The following ABHD12B variants were observed in gnomAD, a reference collection of about 807,000 sequenced individuals.
ABHD12B encodes protein ABHD12B.
ABHD12B carries 42 observed loss-of-function variants against 50.4 expected under a neutral mutation model. That is an observed-to-expected ratio of 0.83 (90% CI 0.65 to 1.08). The LOEUF is 1.08. Among genes scored for constraint, ABHD12B ranks in the 50% least tolerant of loss-of-function variants. The pLI, the probability that ABHD12B is intolerant of heterozygous loss-of-function variation, is 0.00. For synonymous variants in ABHD12B, 167 were observed against 160.3 expected (o/e 1.04, Z -0.32); for missense variants, 479 against 447.7 (o/e 1.07, Z -0.63).
chr14:50,878,028 A>G lies in ABHD12B; in HGVS notation c.181A>G (p.Lys61Glu). Reference protein sequence around the residue: ...LYDSFTSKSLKEHVFLPLIDM... With the variant: ...LYDSFTSKSLEEHVFLPLIDM... ...TGACAGCTTTACTAGTAAATCCTTA[A>G]AAGAACACGTTTTCCTTCCTCTGAT... Residue 61 changes from lysine to glutamate, a missense_variant, in exon 2 of 13, where the codon AAA becomes GAA. Transcript: ENST00000337334. The G allele has an allele frequency of 2.0e-6, 3 of 1,535,276 alleles. No homozygotes were observed. Among genetic ancestry groups the G allele is most frequent in the Non-Finnish European group, 2.6e-6 (3 of 1,146,534 alleles).
At position 50,904,189 on chromosome 14, in the gene ABHD12B, T is replaced by C; in HGVS notation, c.1058T>C (p.Val353Ala). Residue 353 changes from valine (V) to alanine (A), a missense_variant, in exon 12 of 13, where the codon GTG becomes GCG. Coordinates refer to ENST00000337334, the MANE Select transcript of ABHD12B (RefSeq NM_001206673.2). ...LCKSPTLLITVRDFLSKQWS is the reference protein window; with the variant it reads ...LCKSPTLLITARDFLSKQWS ...AAAAGCCCCACACTGTTAATAACCG[T>C]GAGGTAAGAGTTGCTTTGCTAAATG... 1.2e-6 allele frequency: 2 copies of C among 1,614,014 alleles called. No individual in the cohort carries two copies. The highest frequency in any genetic ancestry group is 1.7e-6 in the Non-Finnish European group (2 of 1,179,922).
chr14:50,896,332 C>T (rs985147680), intron 9 of ABHD12B, among the ~76,000 whole-genome samples: 5 of 152,090 alleles, frequency 3.3e-5, no homozygotes, highest in Non-Finnish European at 7.4e-5. Context: ...AAATTTTCAC[C>T]GCTCCAACAC....
At chr14:50,875,929 G>C (rs2049857531) in intron 1 of ABHD12B, among the ~76,000 whole-genome samples, 1 of 152,136 alleles carries the variant, frequency 6.6e-6, no homozygotes, top group African/African-American at 2.4e-5. Context: ...ACCTTCAAAA[G>C]ACAGCTTAGC....
chr14:50,874,738 G>A (rs2049837058), intron 1 of ABHD12B, among the ~76,000 whole-genome samples: 2 of 152,150 alleles, frequency 1.3e-5, no homozygotes, highest in African/African-American at 4.8e-5. Context: ...CTCAGAAAAT[G>A]TGCAGGAGTA....
intron 8 of ABHD12B, among the ~76,000 whole-genome samples, chr14:50,887,961 G>A (rs2050064648): frequency 6.6e-6 from 1 of 152,196 alleles, no homozygotes; most frequent in Non-Finnish European, 1.5e-5. Context: ...CAACTGAGTT[G>A]AGGGAAAAGG....
intron 1 of ABHD12B, 49 bp downstream of exon 1, chr14:50,872,327 G>T: frequency 8.2e-7 from 1 of 1,213,734 alleles, no homozygotes; most frequent in South Asian, 3.2e-5. Context: ...GGCTCAGGCT[G>T]CGCGGGGATG....
chr14:50,872,273 C>T lies in ABHD12B; in HGVS notation c.99C>T (p.Asn33=), dbSNP rs190024469. 1,235 of 1,357,938 alleles carry T rather than the reference C, an allele frequency of 9.1e-4. 12 individuals are homozygous for T. The African/African-American group carries it at 0.017, about 19-fold the overall frequency. 84.1% of individuals were successfully genotyped at this position (1,357,938 alleles called of 1,614,324 possible). ...VAAWWDMVDR[N]LRYFPHSCSM... ...CCTGGTGGGACATGGTCGACCGCAACCTGCGGTGAGTACCGCCCGGTCCAC... is the reference window on the plus strand; with the variant it reads ...CCTGGTGGGACATGGTCGACCGCAATCTGCGGTGAGTACCGCCCGGTCCAC... Residue 33 remains asparagine, a synonymous_variant, in exon 1 of 13, where the codon AAC becomes AAT. Coordinates refer to ENST00000337334, the MANE Select transcript of ABHD12B (RefSeq NM_001206673.2).
chr14:50,883,121 G>A (rs1185674419), intron 5 of ABHD12B, among the ~76,000 whole-genome samples: 2 of 152,204 alleles, frequency 1.3e-5, no homozygotes, highest in Non-Finnish European at 2.9e-5. Flanking sequence ...GTATGCAGAA[G>A]ATGGCAGGCT....
chr14:50,890,159 A>G (rs2050098882), intron 9 of ABHD12B, among the ~76,000 whole-genome samples: 1 of 152,216 alleles, frequency 6.6e-6, no homozygotes, highest in South Asian at 2.1e-4. Context: ...TTAATTGCAT[A>G]TCTATCATAT....
At chr14:50,884,095 T>G (rs1032189329) in intron 5 of ABHD12B, among the ~76,000 whole-genome samples, 3 of 152,266 alleles carry the variant, frequency 2.0e-5, no homozygotes, top group African/African-American at 7.2e-5. Flanking sequence ...AGCAATTGTT[T>G]ACTTAACTGT....
chr14:50,888,245 C>T (rs527958099), intron 8 of ABHD12B, among the ~76,000 whole-genome samples: 1 of 149,900 alleles, frequency 6.7e-6, no homozygotes, highest in African/African-American at 2.5e-5. Flanking sequence ...TGCTCTGTCG[C>T]CAGGCTGGAG....
Position 50,904,729 on chromosome 14 carries a change from C to A in ABHD12B, c.*363C>A, listed in dbSNP as rs7158803. 1 of 342,990 alleles carries A rather than the reference C, an allele frequency of 2.9e-6. No homozygotes were observed. The highest frequency in any genetic ancestry group is 3.1e-5 in the South Asian group (1 of 32,448). 21.2% of individuals were successfully genotyped at this position (342,990 alleles called of 1,614,324 possible). A position where few individuals can be genotyped will look rare whatever the true frequency, so the allele number is the denominator to read the frequency against. ...CCTGCCCCCCCAAATTATGCTGAAA[C>A]CTAATCACCAGTGTGATGGTAATAG... On this transcript the variant is annotated 3_prime_UTR_variant, in exon 13 of 13. Transcript: ENST00000337334.
At chr14:50,902,034 T>A (rs1373197764) in intron 10 of ABHD12B, 123 bp downstream of exon 10, 1 of 636,994 alleles carries the variant, frequency 1.6e-6, no homozygotes, top group African/African-American at 1.9e-5. Flanking sequence ...TCTTAGAATA[T>A]TGTTCTGCGC....
intron 10 of ABHD12B, among the ~76,000 whole-genome samples, chr14:50,903,110 GTTTTTT>G (rs36204047): frequency 0.23 from 31,876 of 141,574 alleles, 3,769 homozygotes; most frequent in East Asian, 0.47. Flanking sequence ...AGTGTTTTTT[GTTTTTT>G]TTTTTTAGTA....
In ABHD12B at chr14:50,904,598, A is replaced by T; in HGVS notation, c.*232A>T. 1.7e-6 allele frequency: 1 copy of T among 592,586 alleles called. No individual in the cohort carries two copies. Among genetic ancestry groups the T allele is most frequent in the South Asian group, 2.2e-5 (1 of 45,516 alleles). The allele number at this position is 592,586 out of a possible 1,614,324, so 36.7% of individuals were successfully genotyped here. ...AAAACATGCTGAAACCTCACTGTGG[A>T]GAACCAGAATTTGGTAAAATCTAGA... On this transcript the variant is annotated 3_prime_UTR_variant, in exon 13 of 13. Transcript: ENST00000337334.
chr14:50,891,196 A>C (rs1205070618), intron 9 of ABHD12B: 1 of 151,936 alleles, frequency 6.6e-6, no homozygotes, highest in Non-Finnish European at 1.5e-5. Context: ...ATATTGTATT[A>C]TTTTGTTTTG....
At chr14:50,899,134 G>C (rs1234019680) in intron 9 of ABHD12B, among the ~76,000 whole-genome samples, 1 of 152,188 alleles carries the variant, frequency 6.6e-6, no homozygotes, top group Non-Finnish European at 1.5e-5. Context: ...CGGAGGTGCG[G>C]TGAACCGAGA....
At chr14:50,882,216 G>T (rs927151446) in intron 5 of ABHD12B, among the ~76,000 whole-genome samples, 11 of 140,850 alleles carry the variant, frequency 7.8e-5, no homozygotes, top group African/African-American at 2.9e-4. Flanking sequence ...GATTACAGGC[G>T]CGAACCACCT....
In ABHD12B at chr14:50,903,408, CCTCTT is replaced by C; in HGVS notation, c.887_891del (p.Leu296HisfsTer7). On this transcript the variant is annotated frameshift_variant, in exon 11 of 13. Coordinates refer to ENST00000337334, the MANE Select transcript of ABHD12B (RefSeq NM_001206673.2). LOFTEE classifies it high-confidence loss of function. Reference sequence around the variant, plus strand: ...CCCTAGTGTTAAATTCCTTTCTTCTCCTCTTCTCATCTTACATGGAGAGGATGACA... The same window carrying C: ...CCCTAGTGTTAAATTCCTTTCTTCTCCTCATCTTACATGGAGAGGATGACA... 6.2e-7 allele frequency: 1 copy of C among 1,612,208 alleles called. No homozygotes were observed. The highest frequency in any genetic ancestry group is 8.5e-7 in the Non-Finnish European group (1 of 1,178,780).
Sources: allele counts gnomAD v4.1 joint callset (sites outside exome capture counted in the v4.1 genomes callset), GRCh38; gene constraint gnomAD v4.1.1; transcripts MANE v1.5; gene names NCBI Gene and HGNC (gene_info 2026-07-23, HGNC 2026-07-21).